Variants in SMAD3 observed in about 807,000 individuals in gnomAD.
SMAD3 encodes the protein MAD homolog 3.
In SMAD3, 12 loss-of-function variants were observed where a neutral mutation model predicts 51.8. The observed-to-expected ratio is 0.23, with a 90% CI of 0.15 to 0.38. The LOEUF is 0.38. Ranked by LOEUF, SMAD3 falls within the 10% of genes least tolerant of loss-of-function variation. The pLI, the probability that SMAD3 is intolerant of heterozygous loss-of-function variation, is 1.00. For missense variants in SMAD3, 294 were observed against 565.6 expected (o/e 0.52, Z 4.87); for synonymous variants, 238 against 227.7 (o/e 1.05, Z -0.41).
intron 1 of SMAD3, among the ~76,000 whole-genome samples, chr15:67,153,469 A>G (rs145031687): frequency 8.7e-6 from 1 of 114,414 alleles, no homozygotes; most frequent in Non-Finnish European, 1.6e-5. Context: ...GGGCAACAAG[A>G]GCAAAACTCC....
intron 1 of SMAD3, among the ~76,000 whole-genome samples, chr15:67,163,920 CAG>C (rs1412055879): frequency 9.1e-6 from 1 of 110,256 alleles, no homozygotes; most frequent in African/African-American, 3.7e-5. Flanking sequence ...GCCTGAGTGA[CAG>C]AGCAACACCC....
In SMAD3 at chr15:67,191,727, C is replaced by T. The variant is rs1300728138; in HGVS notation, c.*1191C>T. On this transcript the variant is annotated 3_prime_UTR_variant, in exon 9 of 9. Transcript: ENST00000327367. Reference sequence around the variant, plus strand: ...CCAGAAGGGAAACATCTCAGGCCAACATAGGCAAATGAAAAGGGCTATTAA... The same window carrying T: ...CCAGAAGGGAAACATCTCAGGCCAATATAGGCAAATGAAAAGGGCTATTAA... The T allele has an allele frequency of 2.2e-5, 5 of 231,200 alleles. No homozygotes were observed. Among genetic ancestry groups the T allele is most frequent in the Middle Eastern group, 1.3e-3 (1 of 772 alleles). 14.3% of individuals were successfully genotyped at this position (231,200 alleles called of 1,614,324 possible). A position where few individuals can be genotyped will look rare whatever the true frequency, so the allele number is the denominator to read the frequency against.
At chr15:67,164,004 C>T (rs1028316457) in intron 1 of SMAD3, among the ~76,000 whole-genome samples, 1 of 148,180 alleles carries the variant, frequency 6.7e-6, no homozygotes, top group Non-Finnish European at 1.5e-5. Context: ...CCCTGCTCAC[C>T]ACAAATAACT....
chr15:67,187,906 A>G (rs1416078931), intron 8 of SMAD3, among the ~76,000 whole-genome samples: 4 of 152,080 alleles, frequency 2.6e-5, no homozygotes, highest in African/African-American at 7.2e-5. Context: ...CCTTAGTCTC[A>G]TTTTAGGCAG....
At chr15:67,066,393 C>T in intron 1 of SMAD3, 33 bp downstream of exon 1, 3 of 1,580,816 alleles carry the variant, frequency 1.9e-6, no homozygotes, top group South Asian at 1.1e-5. Context: ...CCCGGGGTCA[C>T]GCCGGCCCAG....
rs1297290532 is a variant in SMAD3, at chr15:67,192,342, G to C, written c.*1806G>C. Reference sequence around the variant, plus strand: ...ACGGAAGGAGCACCTTGACAGACTTGTGTGAGTCTTCTCGAAGGAGGGTTG... The same window carrying C: ...ACGGAAGGAGCACCTTGACAGACTTCTGTGAGTCTTCTCGAAGGAGGGTTG... On this transcript the variant is annotated 3_prime_UTR_variant, in exon 9 of 9. Coordinates refer to ENST00000327367, the MANE Select transcript of SMAD3 (RefSeq NM_005902.4). The C allele has an allele frequency of 4.3e-6, 1 of 233,042 alleles. No individual in the cohort carries two copies. The highest frequency in any genetic ancestry group is 2.2e-5 in the African/African-American group (1 of 45,304). 14.4% of individuals were successfully genotyped at this position (233,042 alleles called of 1,614,324 possible).
At chr15:67,165,537 C>T (rs918687383) in intron 3 of SMAD3, among the ~76,000 whole-genome samples, 153 bp downstream of exon 3, 3 of 152,240 alleles carry the variant, frequency 2.0e-5, no homozygotes, top group Admixed American at 6.5e-5. Flanking sequence ...GACTCAGAAC[C>T]GCATCCCTGT....
intron 8 of SMAD3, among the ~76,000 whole-genome samples, chr15:67,188,527 G>A (rs1281222483): frequency 1.3e-5 from 2 of 152,166 alleles, no homozygotes; most frequent in Admixed American, 6.6e-5. Flanking sequence ...TTTGGGTTTA[G>A]AGAATCCAGT....
chr15:67,155,949 G>A (rs1962271332), intron 1 of SMAD3, among the ~76,000 whole-genome samples: 2 of 150,540 alleles, frequency 1.3e-5, no homozygotes, highest in South Asian at 4.2e-4. Context: ...TCGTGCCATT[G>A]CACTCCAGCT....
chr15:67,167,170 G>C (rs1962615398), intron 4 of SMAD3, among the ~76,000 whole-genome samples: 1 of 152,184 alleles, frequency 6.6e-6, no homozygotes, highest in Non-Finnish European at 1.5e-5. Flanking sequence ...TTGCAGTCCA[G>C]GTTTTTCCCC....
intron 7 of SMAD3, among the ~76,000 whole-genome samples, chr15:67,185,419 C>T (rs1359188208): frequency 6.6e-6 from 1 of 152,098 alleles, no homozygotes; most frequent in African/African-American, 2.4e-5. Context: ...GCACTAGGCA[C>T]AGGGAGGGCA....
intron 1 of SMAD3, among the ~76,000 whole-genome samples, chr15:67,099,583 A>G (rs1332252068): frequency 1.3e-5 from 2 of 152,204 alleles, no homozygotes; most frequent in Non-Finnish European, 2.9e-5. Flanking sequence ...CTGGGGGAAT[A>G]TGTAATACTT....
At chr15:67,132,191 A>G (rs549040718) in intron 1 of SMAD3, among the ~76,000 whole-genome samples, 1 of 152,296 alleles carries the variant, frequency 6.6e-6, no homozygotes, top group South Asian at 2.1e-4. Context: ...GATCAGCCAC[A>G]TAGATTCTGT....
intron 1 of SMAD3, among the ~76,000 whole-genome samples, chr15:67,109,378 C>T (rs1054109485): frequency 1.3e-5 from 2 of 152,124 alleles, no homozygotes; most frequent in African/African-American, 4.8e-5. Context: ...TTGTGGCCCT[C>T]ATCTGTAAAA....
intron 1 of SMAD3, among the ~76,000 whole-genome samples, chr15:67,129,638 G>A (rs1826222818): frequency 6.6e-6 from 1 of 152,110 alleles, no homozygotes; most frequent in South Asian, 2.1e-4. Context: ...ATTCCCCTCG[G>A]ATAATTGCAA....
chr15:67,183,082 T>C (rs546459482), intron 6 of SMAD3, among the ~76,000 whole-genome samples: 61 of 130,162 alleles, frequency 4.7e-4, no homozygotes, highest in Non-Finnish European at 7.7e-4. Context: ...CGCTCTTGTC[T>C]CCCAGGCTGG....
At chr15:67,067,193 G>T (rs991305815) in intron 1 of SMAD3, among the ~76,000 whole-genome samples, 2 of 152,056 alleles carry the variant, frequency 1.3e-5, no homozygotes, top group Admixed American at 6.6e-5. Context: ...GCCTCGCATC[G>T]GCCCTCGCAT....
intron 4 of SMAD3, 36 bp downstream of exon 4, chr15:67,166,889 G>T: frequency 6.6e-7 from 1 of 1,510,246 alleles, no homozygotes; most frequent in East Asian, 2.4e-5. Context: ...ATTCTTAACT[G>T]ATTAGCAGCT....
intron 1 of SMAD3, among the ~76,000 whole-genome samples, chr15:67,112,524 T>C (rs1208203805): frequency 7.5e-6 from 1 of 133,712 alleles, no homozygotes; most frequent in African/African-American, 3.0e-5. Context: ...ATATTCTGGA[T>C]ATAAATTCCT....
Sources: allele counts gnomAD v4.1 joint callset (sites outside exome capture counted in the v4.1 genomes callset), GRCh38; gene constraint gnomAD v4.1.1; transcripts MANE v1.5; gene names NCBI Gene and HGNC (gene_info 2026-07-23, HGNC 2026-07-21).